The following LRRC36 variants were observed in gnomAD, a reference collection of about 807,000 sequenced individuals.
The protein encoded by LRRC36 is leucine-rich repeat-containing protein 36.
A neutral mutation model predicts 81.1 loss-of-function variants in LRRC36; 62 were observed. The ratio of observed to expected loss-of-function variants is 0.76; its 90% CI spans 0.62 to 0.94. The LOEUF (loss-of-function observed/expected upper bound fraction) is 0.94. Ranked by LOEUF, LRRC36 falls within the 40% of genes least tolerant of loss-of-function variation. The probability of loss-of-function intolerance (pLI) is 0.00; values close to 1 mark genes in which losing one functional copy is unlikely to be tolerated. For missense variants in LRRC36, 761 were observed against 881.7 expected, an observed-to-expected ratio of 0.86 and a Z score of 1.73; for synonymous variants, 334 against 348.6, an observed-to-expected ratio of 0.96 and a Z score of 0.47.
chr16:67,330,900 T>C (rs1398704386), intron 1 of LRRC36, among the ~76,000 whole-genome samples: 1 of 152,008 alleles, frequency 6.6e-6, no homozygotes, highest in Non-Finnish European at 1.5e-5. Context: ...CTTAGTCCCT[T>C]TTCTCTTGTC....
rs180953533 is a variant in LRRC36, at chr16:67,365,291, G to T, written c.703-13G>T. ...TGGACTTCCTTCTACCTAAACTTTC[G>T]AACTTTTTTTAGACACAGGAAGTAG... On this transcript the variant is annotated splice_polypyrimidine_tract_variant and intron_variant, in intron 6 of 13. Coordinates refer to ENST00000329956, the MANE Select transcript of LRRC36 (RefSeq NM_018296.6). 5 of 1,610,312 alleles carry T rather than the reference G, an allele frequency of 3.1e-6. No individual in the cohort carries two copies. Among genetic ancestry groups the T allele is most frequent in the Non-Finnish European group, 4.2e-6 (5 of 1,177,456 alleles).
intron 8 of LRRC36, among the ~76,000 whole-genome samples, chr16:67,369,776 C>T (rs1287405331): frequency 1.3e-5 from 2 of 152,074 alleles, no homozygotes; most frequent in Admixed American, 1.3e-4. Flanking sequence ...CATCAGATCT[C>T]GTGAGACTTA....
intron 3 of LRRC36, 149 bp from the exon 4 acceptor site, chr16:67,347,346 C>T (rs2038399179): frequency 1.4e-6 from 2 of 1,439,104 alleles, no homozygotes; most frequent in South Asian, 2.6e-5. Flanking sequence ...CCAGTGACAA[C>T]ATAATAGCAT....
chr16:67,382,048 A>G, intron 12 of LRRC36, 85 bp from the exon 13 acceptor site: 5 of 906,712 alleles, frequency 5.5e-6, no homozygotes, highest in Non-Finnish European at 8.8e-6. Context: ...CCCAGTTCTC[A>G]AGATGTCCAT....
chr16:67,367,560 T>C (rs571570105), intron 8 of LRRC36, 103 bp downstream of exon 8: 3 of 1,052,372 alleles, frequency 2.9e-6, no homozygotes, highest in African/African-American at 3.2e-5. Context: ...TATTAGCATT[T>C]CTTAAGTTGT....
rs1057509425 is a variant in LRRC36 at position 67,371,080 on chromosome 16, A to G, written c.1332A>G (p.Thr444=). ...VPNNAVLGNR[T]TPLRTLLLSP... ...ACAACGCTGTCCTGGGAAACAGGAC[A>G]ACTCCTCTGCGGACACTGCTGTTGT... The change falls in exon 9 of 14, where the codon ACA becomes ACG. Residue 444 remains threonine, a synonymous_variant. Coordinates refer to ENST00000329956, the MANE Select transcript of LRRC36 (RefSeq NM_018296.6). The G allele has an allele frequency of 1.9e-5, 30 of 1,614,110 alleles. 1 individual carries two copies. Among genetic ancestry groups the G allele is most frequent in the Non-Finnish European group, 2.5e-5 (29 of 1,180,050 alleles).
At chr16:67,364,577 T>G (rs926448499) in intron 6 of LRRC36, among the ~76,000 whole-genome samples, 1 of 152,190 alleles carries the variant, frequency 6.6e-6, no homozygotes, top group African/African-American at 2.4e-5. Flanking sequence ...TTTTTGGAGA[T>G]TATACTTGGG....
intron 7 of LRRC36, among the ~76,000 whole-genome samples, chr16:67,366,145 C>CT (rs145767083): frequency 0.052 from 7,768 of 149,478 alleles, 585 homozygotes; most frequent in African/African-American, 0.17. Context: ...TTCCTTCTCT[C>CT]TTTTTTTTTA....
At chr16:67,381,022 G>A (rs1380802633) in intron 12 of LRRC36, among the ~76,000 whole-genome samples, 1 of 152,108 alleles carries the variant, frequency 6.6e-6, no homozygotes, top group Non-Finnish European at 1.5e-5. Flanking sequence ...TCAGGAGTTT[G>A]AGACCAGCCT....
intron 5 of LRRC36, among the ~76,000 whole-genome samples, chr16:67,355,521 C>G (rs939396780): frequency 8.0e-5 from 12 of 150,620 alleles, no homozygotes; most frequent in African/African-American, 2.9e-4. Context: ...ACTACAGGCG[C>G]CCGCCACTAC....
chr16:67,374,423 C>G (rs182567877), intron 9 of LRRC36, among the ~76,000 whole-genome samples: 2 of 152,136 alleles, frequency 1.3e-5, no homozygotes, highest in African/African-American at 4.8e-5. Context: ...GTGACATAGT[C>G]TTGCCCTGTT....
At chr16:67,356,556 G>A (rs1483800339) in intron 5 of LRRC36, among the ~76,000 whole-genome samples, 1 of 152,148 alleles carries the variant, frequency 6.6e-6, no homozygotes, top group East Asian at 1.9e-4. Context: ...TATCTACTGG[G>A]CAAATCCTGT....
chr16:67,333,823 T>G (rs1233197402), intron 1 of LRRC36, among the ~76,000 whole-genome samples: 1 of 152,186 alleles, frequency 6.6e-6, no homozygotes, highest in Non-Finnish European at 1.5e-5. Context: ...AGTTCTCATA[T>G]ACGCTTACCT....
chr16:67,375,343 C>T lies in LRRC36; in HGVS notation c.1591C>T (p.Gln531Ter), dbSNP rs780414844. The change falls in exon 10 of 14, where the codon CAG becomes TAG. Residue 531 changes from glutamine (Q) to a stop codon, truncating the protein, a stop_gained. Transcript: ENST00000329956. LOFTEE classifies it high-confidence loss of function. ...RTPHVATVLRQLLELVDKHWN... is the reference protein window; with the variant it reads ...RTPHVATVLR ...CCCCCATGTGGCCACTGTCCTCAGACAGCTCCTGGAGCTTGTGGATAAGCA... is the reference window on the plus strand; with the variant it reads ...CCCCCATGTGGCCACTGTCCTCAGATAGCTCCTGGAGCTTGTGGATAAGCA... The T allele has an allele frequency of 1.2e-6, 2 of 1,612,280 alleles. No homozygotes were observed. Among genetic ancestry groups the T allele is most frequent in the Non-Finnish European group, 1.7e-6 (2 of 1,179,524 alleles).
chr16:67,339,247 A>ATAC (rs1444842701), intron 1 of LRRC36, among the ~76,000 whole-genome samples: 1 of 148,250 alleles, frequency 6.7e-6, no homozygotes, highest in East Asian at 2.0e-4. Context: ...ATAAGTGTAA[A>ATAC]TGTTAATACT....
chr16:67,377,158 T>C (rs2039933363), intron 11 of LRRC36, among the ~76,000 whole-genome samples: 1 of 152,182 alleles, frequency 6.6e-6, no homozygotes, highest in Admixed American at 6.5e-5. Context: ...GATAATGTTC[T>C]TGAAGGTTAT....
intron 2 of LRRC36, among the ~76,000 whole-genome samples, chr16:67,343,954 T>G (rs2038221820): frequency 6.6e-6 from 1 of 151,772 alleles, no homozygotes; most frequent in Admixed American, 6.6e-5. Flanking sequence ...GTAGCTGAGA[T>G]TACAGGCACC....
At chr16:67,344,340 T>G (rs2038242261) in intron 2 of LRRC36, among the ~76,000 whole-genome samples, 1 of 152,016 alleles carries the variant, frequency 6.6e-6, no homozygotes, top group South Asian at 2.1e-4. Context: ...ATCCCAGCAC[T>G]TTGGGAGGCT....
chr16:67,341,674 T>C (rs912596111), intron 1 of LRRC36, among the ~76,000 whole-genome samples: 3 of 152,110 alleles, frequency 2.0e-5, no homozygotes, highest in African/African-American at 7.2e-5. Context: ...ATCCTAGCAG[T>C]GGGGTTGCTG....
Sources: gnomAD v4.1 joint callset for allele counts (sites outside exome capture counted in the v4.1 genomes callset) on GRCh38, gnomAD v4.1.1 for gene constraint, MANE v1.5 for transcripts, NCBI Gene and HGNC (gene_info 2026-07-23, HGNC 2026-07-21) for gene names.